VPS11: variants seen among roughly 807,000 people sequenced by gnomAD.
The protein encoded by VPS11 is vacuolar protein sorting-associated protein 11 homolog.
VPS11 carries 51 observed loss-of-function variants against 106.8 expected under a neutral mutation model. The observed-to-expected ratio is 0.48, with a 90% CI of 0.38 to 0.60. The LOEUF (loss-of-function observed/expected upper bound fraction) is 0.60. Ranked by LOEUF, VPS11 falls within the 20% of genes least tolerant of loss-of-function variation. VPS11 has a pLI of 0.00. For synonymous variants in VPS11, 453 were observed against 458.7 expected, an observed-to-expected ratio of 0.99 and a Z score of 0.16; for missense variants, 950 against 1,190.0, an observed-to-expected ratio of 0.80 and a Z score of 2.97.
At chr11:119,075,915 GATA>G (rs555370311) in intron 7 of VPS11, among the ~76,000 whole-genome samples, 8 of 133,458 alleles carry the variant, frequency 6.0e-5, no homozygotes, top group East Asian at 2.2e-4. Flanking sequence ...AATAATAGTA[GATA>G]ATAATAATAA....
intron 7 of VPS11, among the ~76,000 whole-genome samples, chr11:119,075,429 G>T (rs1214133642): frequency 1.3e-5 from 2 of 151,788 alleles, no homozygotes; most frequent in Non-Finnish European, 2.9e-5. Flanking sequence ...ATATGGCTGG[G>T]CGCCGTGGCT....
At chr11:119,069,111 G>A (rs1945265370) in intron 1 of VPS11, 85 bp from the exon 2 acceptor site, 3 of 1,525,406 alleles carry the variant, frequency 2.0e-6, no homozygotes, top group African/African-American at 1.4e-5. Context: ...AAATTTTAGA[G>A]TTATATACAT....
At chr11:119,074,691 C>T (rs1195676614) in intron 7 of VPS11, among the ~76,000 whole-genome samples, 1 of 152,168 alleles carries the variant, frequency 6.6e-6, no homozygotes, top group Non-Finnish European at 1.5e-5. Flanking sequence ...AGGTGTGAGC[C>T]ACAGTGCCTG....
intron 8 of VPS11, 59 bp downstream of exon 8, chr11:119,077,142 A>G: frequency 6.4e-7 from 1 of 1,562,780 alleles, no homozygotes; most frequent in Non-Finnish European, 8.7e-7. Context: ...AGGTGGCTCC[A>G]CCGGGACTTG....
At chr11:119,073,146 G>T in intron 5 of VPS11, 52 bp from the exon 6 acceptor site, 1 of 1,559,018 alleles carries the variant, frequency 6.4e-7, no homozygotes. Context: ...AGGAAATAGG[G>T]GAGATAAGAC....
Position 119,078,354 on chromosome 11 carries a change from T to C in VPS11, c.1923+20T>C. On this transcript the variant is annotated intron_variant, in intron 11 of 15. Transcript: ENST00000621676. ...CCACAGGTGAGGCCTGGCCAGGGCT[T>C]CAGGAGAAAAGACAGTTCGTGCCGT... 6.2e-7 allele frequency: 1 copy of C among 1,605,256 alleles called. No individual in the cohort carries two copies.
At chr11:119,074,027 T>A (rs1945505334) in intron 7 of VPS11, 76 bp downstream of exon 7, 2 of 1,488,860 alleles carry the variant, frequency 1.3e-6, no homozygotes. Context: ...CCATCCATGC[T>A]CCAGGTAGGG....
rs115245779 is a variant in VPS11 at position 119,081,085 on chromosome 11, C to G, written c.2439-7C>G. ...TGCCACTCACTTCTGGTCTTTCTTC[C>G]CTGTAGTCCTAAGATTTTCCAAAAG... is the stretch of plus-strand genomic sequence containing the variant. On this transcript the variant is annotated splice_polypyrimidine_tract_variant and splice_region_variant and intron_variant, in intron 14 of 15. Transcript: ENST00000621676. 1 of 1,612,878 alleles carries G rather than the reference C, an allele frequency of 6.2e-7. No homozygotes were observed. Among genetic ancestry groups the G allele is most frequent in the Admixed American group, 1.7e-5 (1 of 60,004 alleles).
At chr11:119,076,873 T>G (rs567971456) in intron 7 of VPS11, 24 bp from the exon 8 acceptor site, 1 of 1,612,842 alleles carries the variant, frequency 6.2e-7, no homozygotes, top group African/African-American at 1.3e-5. Context: ...ATTCAGATGC[T>G]ATCGGGTGCA....
chr11:119,078,465 A>G, intron 11 of VPS11, 100 bp from the exon 12 acceptor site: 7 of 1,573,342 alleles, frequency 4.4e-6, no homozygotes, highest in Non-Finnish European at 6.0e-6. Context: ...GTCCTCTGTG[A>G]AGAGGGAATG....
intron 1 of VPS11, among the ~76,000 whole-genome samples, chr11:119,068,371 G>C (rs1436565749): frequency 6.6e-6 from 1 of 151,852 alleles, no homozygotes; most frequent in African/African-American, 2.4e-5. Context: ...TATCGTTGGC[G>C]AGGAGGTAAA....
rs782033470 is a variant in VPS11 at position 119,069,356 on chromosome 11, C to T, written c.336+12C>T. On this transcript the variant is annotated intron_variant, in intron 2 of 15. Transcript: ENST00000621676. Reference sequence around the variant, plus strand: ...GCATCAACCCCTTGGTGAGTCCCAGCAGGGAAATGGGAAAGATCCAGAAGC... The same window carrying T: ...GCATCAACCCCTTGGTGAGTCCCAGTAGGGAAATGGGAAAGATCCAGAAGC... 1.2e-6 allele frequency: 2 copies of T among 1,613,912 alleles called. No individual in the cohort carries two copies. Among genetic ancestry groups the T allele is most frequent in the South Asian group, 1.1e-5 (1 of 91,086 alleles).
At position 119,068,150 on chromosome 11, in the gene VPS11, G is replaced by A. The variant is rs1945193596; in HGVS notation, c.187+140G>A. On this transcript the variant is annotated intron_variant, in intron 1 of 15. Transcript: ENST00000621676. ...ATCCAGAGTTGTTCTGTGGTCTACG[G>A]GAAGAAAGAAGGAAGTCCATCTCCT... 17 of 1,007,822 alleles carry A rather than the reference G, an allele frequency of 1.7e-5. 1 individual carries two copies. In the South Asian group the frequency reaches 2.5e-4, roughly 15 times the overall value. The allele number at this position is 1,007,822 out of a possible 1,614,324, so 62.4% of individuals were successfully genotyped here.
intron 4 of VPS11, among the ~76,000 whole-genome samples, 200 bp from the exon 5 acceptor site, chr11:119,071,396 T>C (rs1441274207): frequency 1.3e-5 from 2 of 152,184 alleles, no homozygotes; most frequent in Non-Finnish European, 2.9e-5. Flanking sequence ...AGTGATAATA[T>C]ATACAGAGAA....
intron 3 of VPS11, among the ~76,000 whole-genome samples, chr11:119,069,954 C>T (rs1309430596): frequency 2.7e-5 from 4 of 150,834 alleles, no homozygotes; most frequent in Non-Finnish European, 4.4e-5. Context: ...GCCAAGATCG[C>T]GCCATTGCAC....
intron 7 of VPS11, among the ~76,000 whole-genome samples, chr11:119,076,513 C>T (rs1302817787): frequency 6.7e-6 from 1 of 149,934 alleles, no homozygotes; most frequent in Non-Finnish European, 1.5e-5. Context: ...GCAACAGGAG[C>T]GAACCTCCCT....
rs782021584 is a variant in VPS11 at position 119,078,584 on chromosome 11, C to T, written c.1943C>T (p.Ala648Val). The change falls in exon 12 of 16, where the codon GCA becomes GTA. Residue 648 changes from alanine (A) to valine (V), a missense_variant. Around this residue, in one of 3 missense-constraint regions of VPS11, gnomAD observed 453 missense variants for 514.6 expected, o/e 0.88. Transcript: ENST00000621676. ...CTCCAGGTCAAAGAGAAGCTTCACG[C>T]AGAGGCCATTTCCCTGCTGAAGAGT... Reference protein sequence around the residue: ...KDPQVKEKLHAEAISLLKSGR... With the variant: ...KDPQVKEKLHVEAISLLKSGR... 5.6e-6 allele frequency: 9 copies of T among 1,611,558 alleles called. No homozygotes were observed. Among genetic ancestry groups the T allele is most frequent in the Non-Finnish European group, 7.6e-6 (9 of 1,178,006 alleles).
At chr11:119,074,453 T>G (rs929969780) in intron 7 of VPS11, among the ~76,000 whole-genome samples, 2 of 152,128 alleles carry the variant, frequency 1.3e-5, no homozygotes, top group African/African-American at 4.8e-5. Flanking sequence ...TCACCCAGGC[T>G]GGAGTGCAAT....
Position 119,081,846 on chromosome 11 carries a change from G to C in VPS11, c.*223G>C. The C allele has an allele frequency of 1.7e-6, 1 of 594,536 alleles. No homozygotes were observed. Among genetic ancestry groups the C allele is most frequent in the South Asian group, 2.4e-5 (1 of 42,336 alleles). The allele number at this position is 594,536 out of a possible 1,614,324, so 36.8% of individuals were successfully genotyped here. ...GCAGTGTAGATCATTCCAGATCAGT[G>C]GGGGAGGGCACCTCAGCAACCTCTG... On this transcript the variant is annotated 3_prime_UTR_variant, in exon 16 of 16. Coordinates refer to ENST00000621676, the MANE Select transcript of VPS11 (RefSeq NM_021729.6).
Sources: allele counts gnomAD v4.1 joint callset (sites outside exome capture counted in the v4.1 genomes callset), GRCh38; gene constraint gnomAD v4.1.1; regional missense constraint gnomAD v4.1.1; transcripts MANE v1.5; gene names NCBI Gene and HGNC (gene_info 2026-07-23, HGNC 2026-07-21).